The following KLHL7 variants were observed in gnomAD, a reference collection of about 807,000 sequenced individuals.
The protein encoded by KLHL7 is kelch like family member 7.
In KLHL7, 44 loss-of-function variants were observed where a neutral mutation model predicts 67.4. The observed-to-expected ratio is 0.65, with a 90% CI of 0.51 to 0.84. The LOEUF (loss-of-function observed/expected upper bound fraction) is 0.84. Ranked by LOEUF, KLHL7 falls within the 40% of genes least tolerant of loss-of-function variation. The probability of loss-of-function intolerance (pLI) is 0.00; values close to 1 mark genes in which losing one functional copy is unlikely to be tolerated. For missense variants in KLHL7, 362 were observed against 718.1 expected (o/e 0.50, Z 5.67); for synonymous variants, 252 against 243.3 (o/e 1.04, Z -0.33).
At chr7:23,150,518 T>C (rs150695061) in intron 6 of KLHL7, among the ~76,000 whole-genome samples, 19 of 152,334 alleles carry the variant, frequency 1.2e-4, no homozygotes, top group South Asian at 4.1e-4. Flanking sequence ...ATTCCATGCG[T>C]ACATACTAAT....
intron 1 of KLHL7, among the ~76,000 whole-genome samples, chr7:23,118,740 A>G (rs1343972866): frequency 6.6e-6 from 1 of 152,084 alleles, no homozygotes; most frequent in Non-Finnish European, 1.5e-5. Flanking sequence ...TTATCACATT[A>G]TTTCCTAGAC....
intron 1 of KLHL7, among the ~76,000 whole-genome samples, chr7:23,113,748 C>A (rs999230640): frequency 7.9e-5 from 12 of 152,148 alleles, no homozygotes; most frequent in African/African-American, 2.2e-4. Flanking sequence ...ATCGATTGAA[C>A]CCAGGAGGCG....
intron 7 of KLHL7, among the ~76,000 whole-genome samples, chr7:23,156,714 T>A (rs1399449423): frequency 6.6e-6 from 1 of 152,186 alleles, no homozygotes; most frequent in South Asian, 2.1e-4. Context: ...GAAAACTATG[T>A]GGCACCCTAT....
chr7:23,163,457 C>A (rs1306523712), intron 7 of KLHL7, among the ~76,000 whole-genome samples: 3 of 152,172 alleles, frequency 2.0e-5, no homozygotes, highest in Non-Finnish European at 2.9e-5. Context: ...GAGGCATGAG[C>A]CACCACATCC....
At chr7:23,125,924 A>G (rs1454892335) in intron 4 of KLHL7, 2 of 1,320,480 alleles carry the variant, frequency 1.5e-6, no homozygotes, top group East Asian at 2.5e-5. Context: ...GAAACTGCAG[A>G]TAGTACTGAA....
Position 23,177,487 on chromosome 7 carries a change from T to C in KLHL7, c.*3189T>C, listed in dbSNP as rs1408676230. On this transcript the variant is annotated 3_prime_UTR_variant, in exon 11 of 11. Transcript: ENST00000339077. ...TCTGTATCATAATTCCCAATTAGTG[T>C]CTTTTTCTGCCTTGGAAATTTCTAC... 1 of 152,198 alleles carries C rather than the reference T, an allele frequency of 6.6e-6. No homozygotes were observed. The highest frequency in any genetic ancestry group is 1.9e-4 in the East Asian group (1 of 5,194). The allele number at this position is 152,198 out of a possible 1,614,324, so 9.4% of individuals were successfully genotyped here.
At chr7:23,161,098 T>C (rs1411685820) in intron 7 of KLHL7, among the ~76,000 whole-genome samples, 1 of 152,224 alleles carries the variant, frequency 6.6e-6, no homozygotes, top group Non-Finnish European at 1.5e-5. Flanking sequence ...GTACCATTCA[T>C]TGTATTTTCG....
chr7:23,110,809 C>T (rs1357405418), intron 1 of KLHL7, among the ~76,000 whole-genome samples: 1 of 133,278 alleles, frequency 7.5e-6, no homozygotes, highest in Non-Finnish European at 1.5e-5. Context: ...TGTTCCCCTT[C>T]CTGTGTCCGT....
chr7:23,170,358 C>A (rs190517257), intron 9 of KLHL7, among the ~76,000 whole-genome samples: 167 of 152,074 alleles, frequency 1.1e-3, no homozygotes, highest in African/African-American at 4.0e-3. Context: ...GCCTATGGAC[C>A]ATAGAAACAC....
intron 1 of KLHL7, among the ~76,000 whole-genome samples, chr7:23,113,446 A>G (rs1292106817): frequency 6.6e-6 from 1 of 152,210 alleles, no homozygotes; most frequent in Non-Finnish European, 1.5e-5. Context: ...TTGGGCCTCA[A>G]AATCTCTAAA....
intron 6 of KLHL7, among the ~76,000 whole-genome samples, chr7:23,145,811 G>C (rs1327966009): frequency 6.6e-6 from 1 of 152,210 alleles, no homozygotes; most frequent in South Asian, 2.1e-4. Flanking sequence ...ACTCACTACA[G>C]CCTTGACCTG....
At chr7:23,152,280 T>A in intron 7 of KLHL7, 71 bp downstream of exon 7, 1 of 1,374,274 alleles carries the variant, frequency 7.3e-7, no homozygotes, top group Non-Finnish European at 1.0e-6. Flanking sequence ...ACTCACCAAC[T>A]AGAAGTAGTA....
chr7:23,112,116 A>C (rs1327258652), intron 1 of KLHL7, among the ~76,000 whole-genome samples: 1 of 152,232 alleles, frequency 6.6e-6, no homozygotes, highest in African/African-American at 2.4e-5. Context: ...ACCTGATAAC[A>C]AGTAACATCT....
intron 4 of KLHL7, chr7:23,125,911 C>A: frequency 6.9e-7 from 1 of 1,439,986 alleles, no homozygotes. Flanking sequence ...CCAGTGAATG[C>A]CTGAAACTGC....
chr7:23,123,450 G>A (rs577899245), intron 1 of KLHL7, among the ~76,000 whole-genome samples: 235 of 148,390 alleles, frequency 1.6e-3, no homozygotes, highest in Middle Eastern at 0.011. Flanking sequence ...CCCCAGAAAA[G>A]CTTACCATGA....
chr7:23,117,180 C>T (rs1039912137), intron 1 of KLHL7, among the ~76,000 whole-genome samples: 4 of 149,128 alleles, frequency 2.7e-5, no homozygotes, highest in Non-Finnish European at 5.9e-5. Context: ...CTCTGCCTCC[C>T]GGGTTCAAGT....
intron 4 of KLHL7, among the ~76,000 whole-genome samples, chr7:23,136,898 A>G (rs781417924): frequency 2.8e-4 from 43 of 152,224 alleles, no homozygotes; most frequent in Non-Finnish European, 2.2e-4. Flanking sequence ...TTCCAAATAA[A>G]TGTATTTATT....
At chr7:23,149,823 A>T (rs541573011) in intron 6 of KLHL7, among the ~76,000 whole-genome samples, 68 of 152,364 alleles carry the variant, frequency 4.5e-4, no homozygotes, top group African/African-American at 1.6e-3. Flanking sequence ...TGGCCTCTGA[A>T]ATATCCAGCT....
rs931464865 is a variant in KLHL7, at chr7:23,106,551, G to C, written c.120+405G>C. The C allele has an allele frequency of 2.8e-6, 3 of 1,063,100 alleles. No homozygotes were observed. The African/African-American group carries it at 5.0e-5, about 18-fold the overall frequency. The allele number at this position is 1,063,100 out of a possible 1,614,324, so 65.9% of individuals were successfully genotyped here. On this transcript the variant is annotated intron_variant, in intron 1 of 10. Transcript: ENST00000339077. ...TAGCCCAAACCGAAGCCCCCAAAGGGAGGAGAGTTGCTGGCCTGACATCAG... is the reference window on the plus strand; with the variant it reads ...TAGCCCAAACCGAAGCCCCCAAAGGCAGGAGAGTTGCTGGCCTGACATCAG...
Sources: allele counts gnomAD v4.1 joint callset (sites outside exome capture counted in the v4.1 genomes callset), GRCh38; gene constraint gnomAD v4.1.1; transcripts MANE v1.5; gene names NCBI Gene and HGNC (gene_info 2026-07-23, HGNC 2026-07-21).